Variants in EYA2 observed in about 807,000 individuals in gnomAD.
The protein encoded by EYA2 is protein phosphatase EYA2.
EYA2 carries 31 observed loss-of-function variants against 69.2 expected under a neutral mutation model. That is an observed-to-expected ratio of 0.45 (90% CI 0.34 to 0.60). EYA2 has a LOEUF of 0.60. Ranked by LOEUF, EYA2 falls within the 20% of genes least tolerant of loss-of-function variation. The probability of loss-of-function intolerance (pLI) is 0.02; values close to 1 mark genes in which losing one functional copy is unlikely to be tolerated. For missense variants in EYA2, 622 were observed against 701.2 expected (o/e 0.89, Z 1.28); for synonymous variants, 257 against 279.4 (o/e 0.92, Z 0.80).
At chr20:47,088,727 T>C (rs1260104817) in intron 7 of EYA2, among the ~76,000 whole-genome samples, 1 of 152,118 alleles carries the variant, frequency 6.6e-6, no homozygotes, top group Non-Finnish European at 1.5e-5. Flanking sequence ...GCTGGGACTA[T>C]AGGCATGCAC....
At chr20:47,030,468 A>G (rs1984343847) in intron 5 of EYA2, among the ~76,000 whole-genome samples, 1 of 152,256 alleles carries the variant, frequency 6.6e-6, no homozygotes, top group Non-Finnish European at 1.5e-5. Flanking sequence ...TGCAGGCAGC[A>G]TGCTAAGCAT....
rs138141758 is a variant in EYA2 at position 47,064,930 on chromosome 20, A to G, written c.416-7255A>G. Among the ~76,000 whole-genome samples, 1,499 of 152,336 alleles carry G rather than the reference A, an allele frequency of 9.8e-3. 19 individuals are homozygous for G. Among genetic ancestry groups the G allele is most frequent in the Non-Finnish European group, 0.012 (811 of 68,028 alleles). ...AAACATACCTGAGGCTGGGTCATTT[A>G]TAAAGGAAGGAGGTTTAATTGACTC... On this transcript the variant is annotated intron_variant, in intron 5 of 15. Transcript: ENST00000327619.
intron 5 of EYA2, among the ~76,000 whole-genome samples, chr20:47,033,609 CCTT>C (rs953497290): frequency 3.3e-5 from 5 of 152,108 alleles, no homozygotes; most frequent in Non-Finnish European, 7.4e-5. Context: ...TATTTCTTGC[CCTT>C]CTTGCAGGCA....
intron 8 of EYA2, among the ~76,000 whole-genome samples, chr20:47,096,433 G>A (rs143175717): frequency 7.2e-5 from 11 of 152,296 alleles, no homozygotes; most frequent in Admixed American, 4.6e-4. Flanking sequence ...ACATTAGAGC[G>A]GGGAGGATGT....
At chr20:46,924,603 G>A (rs1985324225) in intron 1 of EYA2, among the ~76,000 whole-genome samples, 1 of 146,860 alleles carries the variant, frequency 6.8e-6, no homozygotes, top group Non-Finnish European at 1.5e-5. Flanking sequence ...CCAGGAGGCG[G>A]AGCTTGCAGT....
chr20:46,911,845 TAGAA>T (rs758210631), intron 1 of EYA2, among the ~76,000 whole-genome samples: 89 of 152,210 alleles, frequency 5.8e-4, no homozygotes, highest in Admixed American at 1.2e-3. Flanking sequence ...TACAGCTACA[TAGAA>T]AGAAAAGTTC....
At position 46,898,115 on chromosome 20, in the gene EYA2, AATG is replaced by A. The variant is rs560612013; in HGVS notation, c.-11+3132_-11+3134del. 2.0e-5 allele frequency among the ~76,000 whole-genome samples: 3 copies of A among 152,148 alleles called. No individual in the cohort carries two copies. In the South Asian group the frequency reaches 6.3e-4, roughly 32 times the overall value. On this transcript the variant is annotated intron_variant, in intron 1 of 15. Transcript: ENST00000327619. ...CTTTTGATAAAGGGAGAATTCGCCT[AATG>A]ATGTGGTTCCCCTTATCTGTGAGGT...
intron 10 of EYA2, among the ~76,000 whole-genome samples, chr20:47,156,127 CAT>C (rs752111640): frequency 3.9e-3 from 56 of 14,430 alleles, no homozygotes; most frequent in South Asian, 0.013. Flanking sequence ...CACACACACA[CAT>C]ATATATATAT....
rs141609454 is a variant in EYA2, at chr20:47,143,191, C to T, written c.978+43C>T. 2.7e-6 allele frequency: 4 copies of T among 1,491,868 alleles called. No homozygotes were observed. The South Asian group carries it at 3.5e-5, about 13-fold the overall frequency. 92.4% of individuals were successfully genotyped at this position (1,491,868 alleles called of 1,614,324 possible). A position where few individuals can be genotyped will look rare whatever the true frequency, so the allele number is the denominator to read the frequency against. ...TCATTTAATATTTGCCATGTTTAAT[C>T]ACCTGCATCTAGTTTATGGGAAGAA... On this transcript the variant is annotated intron_variant, in intron 10 of 15. Coordinates refer to ENST00000327619, the MANE Select transcript of EYA2 (RefSeq NM_005244.5).
At chr20:47,151,873 T>G (rs1378843671) in intron 10 of EYA2, among the ~76,000 whole-genome samples, 2 of 152,046 alleles carry the variant, frequency 1.3e-5, no homozygotes, top group Non-Finnish European at 2.9e-5. Context: ...TAGTAGGTGA[T>G]CAGTAAATCG....
intron 1 of EYA2, among the ~76,000 whole-genome samples, chr20:46,940,982 C>G (rs1229465021): frequency 6.6e-6 from 1 of 152,220 alleles, no homozygotes; most frequent in East Asian, 1.9e-4. Flanking sequence ...TGACTTTTTC[C>G]TTTGGTATAA....
intron 1 of EYA2, among the ~76,000 whole-genome samples, chr20:46,900,283 T>C (rs1317474288): frequency 2.0e-5 from 3 of 152,240 alleles, no homozygotes; most frequent in Non-Finnish European, 4.4e-5. Flanking sequence ...TTGACTACTG[T>C]ATATGGCAAC....
chr20:46,913,097 C>T (rs1170610713), intron 1 of EYA2, among the ~76,000 whole-genome samples: 4 of 152,242 alleles, frequency 2.6e-5, no homozygotes, highest in Admixed American at 6.5e-5. Context: ...CTGCCACTTA[C>T]AGTGGTGTAA....
At chr20:46,953,435 A>G (rs1041323033) in intron 1 of EYA2, among the ~76,000 whole-genome samples, 2 of 152,210 alleles carry the variant, frequency 1.3e-5, no homozygotes, top group African/African-American at 4.8e-5. Context: ...AACATAGAAG[A>G]TTAGGTAGGA....
At chr20:47,099,003 G>A (rs917316962) in intron 9 of EYA2, among the ~76,000 whole-genome samples, 3 of 152,194 alleles carry the variant, frequency 2.0e-5, no homozygotes, top group Non-Finnish European at 2.9e-5. Flanking sequence ...GAGTGAGTGC[G>A]AGTAATCTAT....
intron 10 of EYA2, among the ~76,000 whole-genome samples, chr20:47,153,671 TGAG>T (rs2033866849): frequency 6.6e-6 from 1 of 151,020 alleles, no homozygotes; most frequent in African/African-American, 2.4e-5. Flanking sequence ...AAAAAAAGAC[TGAG>T]AAGTTAGTGA....
At chr20:46,960,437 AATTG>A (rs1170132151) in intron 1 of EYA2, among the ~76,000 whole-genome samples, 1 of 152,116 alleles carries the variant, frequency 6.6e-6, no homozygotes, top group African/African-American at 2.4e-5. Flanking sequence ...GCTTTACATG[AATTG>A]ATTTACTTAA....
At chr20:47,160,567 T>A (rs1401480869) in intron 10 of EYA2, among the ~76,000 whole-genome samples, 1 of 151,738 alleles carries the variant, frequency 6.6e-6, no homozygotes, top group Non-Finnish European at 1.5e-5. Flanking sequence ...GCCAACAGGA[T>A]TTGGTGATGG....
intron 5 of EYA2, among the ~76,000 whole-genome samples, chr20:47,058,613 G>A (rs1408377633): frequency 3.3e-5 from 5 of 152,204 alleles, no homozygotes; most frequent in African/African-American, 4.8e-5. Context: ...GAGAGGTCAA[G>A]GTGGGAGGAT....
Sources: gnomAD v4.1 joint callset for allele counts (sites outside exome capture counted in the v4.1 genomes callset) on GRCh38, gnomAD v4.1.1 for gene constraint, MANE v1.5 for transcripts, NCBI Gene and HGNC (gene_info 2026-07-23, HGNC 2026-07-21) for gene names.